WDFY3: variants seen among roughly 807,000 people sequenced by gnomAD.
The protein encoded by WDFY3 is WD repeat and FYVE domain containing 3, also known as WD repeat and FYVE domain-containing protein 3.
Under a neutral mutation model 409.6 loss-of-function variants are expected in WDFY3, and 66 were observed. The ratio of observed to expected loss-of-function variants is 0.16; its 90% CI spans 0.13 to 0.20. The LOEUF (loss-of-function observed/expected upper bound fraction) is 0.20, where lower values mean the gene tolerates loss of function less well. Ranked by LOEUF, WDFY3 falls within the 10% of genes least tolerant of loss-of-function variation. The pLI is 1.00. For missense variants in WDFY3, 3,031 were observed against 4,298.1 expected (o/e 0.71, Z 8.24); for synonymous variants, 1,521 against 1,537.1 (o/e 0.99, Z 0.25).
At chr4:84,909,055 C>A (rs904597795) in intron 2 of WDFY3, among the ~76,000 whole-genome samples, 2 of 151,962 alleles carry the variant, frequency 1.3e-5, no homozygotes, top group Non-Finnish European at 2.9e-5. Flanking sequence ...CACGCACACA[C>A]ACACAAAAAT....
At chr4:84,686,109 T>G (rs1002808797) in intron 62 of WDFY3, among the ~76,000 whole-genome samples, 1 of 151,972 alleles carries the variant, frequency 6.6e-6, no homozygotes, top group African/African-American at 2.4e-5. Context: ...ATCGAAACCA[T>G]CTTCGCTAAC....
chr4:84,926,127 C>T (rs1345640808), intron 2 of WDFY3, among the ~76,000 whole-genome samples: 2 of 142,660 alleles, frequency 1.4e-5, no homozygotes, highest in African/African-American at 5.1e-5. Context: ...AATTCTTGAA[C>T]CCGGGAGGCA....
At chr4:84,889,964 C>T (rs188927276) in intron 3 of WDFY3, among the ~76,000 whole-genome samples, 42 of 152,246 alleles carry the variant, frequency 2.8e-4, no homozygotes, top group Admixed American at 2.7e-3. Flanking sequence ...GCTCAAGATC[C>T]ATCGTACCTT....
chr4:84,801,979 C>T, intron 16 of WDFY3, 115 bp from the exon 17 acceptor site: 3 of 1,003,880 alleles, frequency 3.0e-6, no homozygotes, highest in Admixed American at 5.1e-5. Context: ...CGGAGTTTCG[C>T]TCTTGTTGTC....
intron 36 of WDFY3, among the ~76,000 whole-genome samples, chr4:84,750,408 TAAACATGTGGTTTTC>T (rs1305290305): frequency 1.3e-5 from 2 of 151,900 alleles, no homozygotes; most frequent in Non-Finnish European, 2.9e-5. Context: ...ATGAATAAGA[TAAACATGTGGTTTTC>T]AGGTTTCTAT....
chr4:84,802,255 CTTTT>C lies in WDFY3; in HGVS notation c.2608-395_2608-392del, dbSNP rs776901894. On this transcript the variant is annotated intron_variant, in intron 16 of 67. Transcript: ENST00000295888. ...AGCCACCGCACCCGGCAGAAGCATA[CTTTT>C]TTTTTTTTTTTGAGACAGAGTCTTG... 4.7e-4 allele frequency among the ~76,000 whole-genome samples: 65 copies of C among 137,806 alleles called. 1 individual carries two copies. The highest frequency in any genetic ancestry group is 1.6e-3 in the African/African-American group (61 of 37,676). The allele number at this position is 137,806 out of a possible 152,430, so 90.4% of individuals were successfully genotyped here.
chr4:84,853,998 C>T (rs1205694151), intron 4 of WDFY3, among the ~76,000 whole-genome samples: 1 of 151,932 alleles, frequency 6.6e-6, no homozygotes, highest in Non-Finnish European at 1.5e-5. Flanking sequence ...CACAGAAGAC[C>T]AGTGGTAAAT....
Position 84,878,234 on chromosome 4 carries a change from C to T in WDFY3, c.-31-17612G>A, listed in dbSNP as rs538957597. Among the ~76,000 whole-genome samples the T allele has an allele frequency of 1.6e-4, 25 of 152,056 alleles. No homozygotes were observed. The South Asian group carries it at 1.7e-3, about 10-fold the overall frequency. On this transcript the variant is annotated intron_variant, in intron 3 of 67. Transcript: ENST00000295888. The stretch of plus-strand genomic sequence containing the variant: ...CAAAAGGCAATAAGCCAGAATCCTC[C>T]GCTGGAAATTCAAGCATCAACAACA...
chr4:84,708,826 C>T, intron 53 of WDFY3, 83 bp downstream of exon 53: 1 of 1,467,786 alleles, frequency 6.8e-7, no homozygotes. Context: ...TAGGGATGAG[C>T]CACTGCACCC....
intron 44 of WDFY3, among the ~76,000 whole-genome samples, chr4:84,730,384 T>C (rs1481571766): frequency 6.6e-6 from 1 of 152,184 alleles, no homozygotes; most frequent in African/African-American, 2.4e-5. Context: ...ATTAGGCACT[T>C]TGTTAGCACT....
rs147810950 is a variant in WDFY3, at chr4:84,814,834, A to T, written c.1887+2558T>A. ...GTATGAATATACACAGGAAAAAAAC[A>T]TAGTATATATAGCATTCCATACTAT... On this transcript the variant is annotated intron_variant, in intron 13 of 67. Coordinates refer to ENST00000295888, the MANE Select transcript of WDFY3 (RefSeq NM_014991.6). 1.9e-3 allele frequency among the ~76,000 whole-genome samples: 293 copies of T among 152,302 alleles called. 2 individuals carry two copies. The highest frequency in any genetic ancestry group is 6.7e-3 in the African/African-American group (278 of 41,578).
chr4:84,898,027 T>C (rs1183067195), intron 2 of WDFY3, among the ~76,000 whole-genome samples: 1 of 152,186 alleles, frequency 6.6e-6, no homozygotes, highest in Non-Finnish European at 1.5e-5. Flanking sequence ...ATAGGGATTA[T>C]AACCTATGGC....
chr4:84,889,860 T>C (rs914648274), intron 3 of WDFY3, among the ~76,000 whole-genome samples: 7 of 152,078 alleles, frequency 4.6e-5, no homozygotes, highest in Non-Finnish European at 7.4e-5. Flanking sequence ...AATGACTGAA[T>C]TGGAATTAAG....
chr4:84,871,399 T>C (rs941935920), intron 3 of WDFY3, among the ~76,000 whole-genome samples: 1 of 152,150 alleles, frequency 6.6e-6, no homozygotes, highest in Non-Finnish European at 1.5e-5. Flanking sequence ...ACCAAATTCC[T>C]AGGCATTCTA....
intron 36 of WDFY3, chr4:84,751,221 C>T (rs1159643223): frequency 2.0e-6 from 1 of 501,744 alleles, no homozygotes; most frequent in Non-Finnish European, 3.6e-6. Flanking sequence ...TACTATTTGG[C>T]TTTTTACAGA....
intron 3 of WDFY3, among the ~76,000 whole-genome samples, chr4:84,866,602 T>C (rs749460975): frequency 6.6e-6 from 1 of 152,206 alleles, no homozygotes; most frequent in Non-Finnish European, 1.5e-5. Flanking sequence ...TAATTAGCCA[T>C]GGACCAAATC....
intron 3 of WDFY3, among the ~76,000 whole-genome samples, chr4:84,895,182 T>C (rs1010683450): frequency 4.6e-5 from 7 of 152,182 alleles, no homozygotes; most frequent in African/African-American, 1.7e-4. Context: ...ATAACACTTG[T>C]TACATGCAAG....
intron 2 of WDFY3, among the ~76,000 whole-genome samples, chr4:84,898,515 C>G (rs991315186): frequency 6.6e-6 from 1 of 152,160 alleles, no homozygotes; most frequent in Admixed American, 6.5e-5. Context: ...AGTCTTTCAA[C>G]CATTGCATGA....
intron 21 of WDFY3, among the ~76,000 whole-genome samples, chr4:84,790,220 C>T (rs1381474429): frequency 2.6e-5 from 4 of 151,806 alleles, no homozygotes; most frequent in South Asian, 2.1e-4. Context: ...TATGGTGGCG[C>T]GCGTCTGTAG....
Sources: allele counts gnomAD v4.1 joint callset (sites outside exome capture counted in the v4.1 genomes callset), GRCh38; gene constraint gnomAD v4.1.1; transcripts MANE v1.5; gene names NCBI Gene and HGNC (gene_info 2026-07-23, HGNC 2026-07-21).